EPHB1: variants seen among roughly 807,000 people sequenced by gnomAD.
EPHB1 encodes ephrin type-B receptor 1.
EPHB1 carries 30 observed loss-of-function variants against 94.4 expected under a neutral mutation model. The observed-to-expected ratio is 0.32, with a 90% CI of 0.24 to 0.43. The LOEUF (loss-of-function observed/expected upper bound fraction) is 0.43. Among genes scored for constraint, EPHB1 ranks in the 20% least tolerant of loss-of-function variants. The probability of loss-of-function intolerance (pLI) is 1.00; values close to 1 mark genes in which losing one functional copy is unlikely to be tolerated. For missense variants in EPHB1, 1,055 were observed against 1,308.3 expected, an observed-to-expected ratio of 0.81 and a Z score of 2.99; for synonymous variants, 522 against 489.1, an observed-to-expected ratio of 1.07 and a Z score of -0.89.
rs569721576 is a variant in EPHB1 at position 134,937,046 on chromosome 3, T to A, written c.123+11166T>A. On this transcript the variant is annotated intron_variant, in intron 2 of 15. Coordinates refer to ENST00000398015, the MANE Select transcript of EPHB1 (RefSeq NM_004441.5). ...TGCATTGCTGGCCTGAGCATAGCTGTCATAAGAGGCTTAATGTGGGAGCTG... is the reference window on the plus strand; with the variant it reads ...TGCATTGCTGGCCTGAGCATAGCTGACATAAGAGGCTTAATGTGGGAGCTG... Among the ~76,000 whole-genome samples the A allele has an allele frequency of 3.3e-5, 5 of 152,314 alleles. No individual in the cohort carries two copies. The South Asian group carries it at 1.0e-3, about 32-fold the overall frequency.
At chr3:135,184,831 A>G (rs1234067018) in intron 10 of EPHB1, among the ~76,000 whole-genome samples, 2 of 152,232 alleles carry the variant, frequency 1.3e-5, no homozygotes, top group Non-Finnish European at 2.9e-5. Context: ...GTACCAGTTT[A>G]TTGTTACCAT....
intron 4 of EPHB1, among the ~76,000 whole-genome samples, chr3:135,107,475 A>G (rs1939265445): frequency 6.6e-6 from 1 of 152,196 alleles, no homozygotes; most frequent in Admixed American, 6.5e-5. Context: ...TCTTTTAAGT[A>G]TCCCATTGTA....
In EPHB1 at chr3:135,241,215, G is replaced by A; in HGVS notation, c.2414G>A (p.Ser805Asn). 1 of 1,614,214 alleles carries A rather than the reference G, an allele frequency of 6.2e-7. No homozygotes were observed. The highest frequency in any genetic ancestry group is 8.5e-7 in the Non-Finnish European group (1 of 1,180,042). ...GCCTACCGCAAGTTCACTTCAGCCA[G>A]CGACGTTTGGAGCTATGGGATCGTC... ...AIAYRKFTSA[S>N]DVWSYGIVMW... Residue 805 changes from serine to asparagine, a missense_variant, in exon 13 of 16, where the codon AGC becomes AAC. Physicochemically the swap from Ser to Asn is conservative, Grantham distance 46 (BLOSUM62 1). Transcript: ENST00000398015.
At chr3:135,115,988 G>A (rs2107803701) in intron 4 of EPHB1, among the ~76,000 whole-genome samples, 1 of 152,270 alleles carries the variant, frequency 6.6e-6, no homozygotes, top group East Asian at 1.9e-4. Context: ...GGCCGAGGCG[G>A]GTGGATCACG....
chr3:134,828,113 C>T (rs2036518687), intron 1 of EPHB1, among the ~76,000 whole-genome samples: 1 of 152,194 alleles, frequency 6.6e-6, no homozygotes, highest in Non-Finnish European at 1.5e-5. Context: ...GGACTCCTGC[C>T]TTCTCTTTTG....
intron 3 of EPHB1, among the ~76,000 whole-genome samples, chr3:135,038,943 T>G (rs1301650399): frequency 5.9e-5 from 9 of 152,164 alleles, no homozygotes; most frequent in Non-Finnish European, 1.3e-4. Context: ...TGGCCTGTTT[T>G]GTCACGGCGC....
chr3:135,247,175 G>GA (rs1197529929), intron 13 of EPHB1, among the ~76,000 whole-genome samples: 3 of 152,260 alleles, frequency 2.0e-5, no homozygotes, highest in Non-Finnish European at 4.4e-5. Context: ...AGAAACACAT[G>GA]AAAAATATTC....
intron 1 of EPHB1, among the ~76,000 whole-genome samples, chr3:134,810,598 T>G (rs1379230974): frequency 6.6e-6 from 1 of 152,214 alleles, no homozygotes; most frequent in Non-Finnish European, 1.5e-5. Context: ...TGTATCAGCG[T>G]ACAAAGCAAG....
intron 1 of EPHB1, among the ~76,000 whole-genome samples, chr3:134,798,778 C>G (rs2035879877): frequency 1.3e-5 from 2 of 152,216 alleles, no homozygotes; most frequent in South Asian, 4.1e-4. Flanking sequence ...ATTCTCTGAG[C>G]TGCGTCTTGT....
At chr3:134,949,401 T>A (rs919717870) in intron 2 of EPHB1, among the ~76,000 whole-genome samples, 1 of 146,048 alleles carries the variant, frequency 6.8e-6, no homozygotes, top group Non-Finnish European at 1.5e-5. Context: ...CAGCTCTCAA[T>A]GTGCCCATTT....
intron 3 of EPHB1, among the ~76,000 whole-genome samples, chr3:135,073,202 A>G (rs957795833): frequency 3.3e-5 from 5 of 152,176 alleles, no homozygotes; most frequent in African/African-American, 1.2e-4. Flanking sequence ...AATAAACAAC[A>G]TAGGCCCTGC....
chr3:135,123,254 C>A (rs1421595462), intron 4 of EPHB1, among the ~76,000 whole-genome samples: 1 of 152,150 alleles, frequency 6.6e-6, no homozygotes, highest in Non-Finnish European at 1.5e-5. Flanking sequence ...GACAATAGTT[C>A]CTACTTCAAA....
intron 1 of EPHB1, among the ~76,000 whole-genome samples, chr3:134,865,367 G>A (rs1560271845): frequency 6.6e-6 from 1 of 152,096 alleles, no homozygotes; most frequent in Non-Finnish European, 1.5e-5. Context: ...TGATCTGGGG[G>A]CTCTCATACA....
chr3:134,974,217 C>T (rs1313547396), intron 3 of EPHB1, among the ~76,000 whole-genome samples: 1 of 152,110 alleles, frequency 6.6e-6, no homozygotes, highest in East Asian at 1.9e-4. Context: ...CACGCGTGCG[C>T]ACACATACAT....
intron 3 of EPHB1, among the ~76,000 whole-genome samples, chr3:135,073,535 C>G (rs914342734): frequency 6.6e-6 from 1 of 152,142 alleles, no homozygotes; most frequent in African/African-American, 2.4e-5. Context: ...GAGCATATCT[C>G]TAAGAGATAA....
intron 3 of EPHB1, among the ~76,000 whole-genome samples, chr3:135,024,831 T>C (rs1936092756): frequency 6.6e-6 from 1 of 152,202 alleles, no homozygotes; most frequent in Non-Finnish European, 1.5e-5. Flanking sequence ...GCTTTATTGA[T>C]GTCAATTTAG....
At chr3:134,948,318 T>C (rs935261523) in intron 2 of EPHB1, among the ~76,000 whole-genome samples, 4 of 135,530 alleles carry the variant, frequency 3.0e-5, no homozygotes, top group African/African-American at 1.2e-4. Flanking sequence ...GTTTCAACAA[T>C]AGCAGAACAG....
intron 4 of EPHB1, among the ~76,000 whole-genome samples, chr3:135,129,993 A>C (rs1273514260): frequency 6.6e-6 from 1 of 152,192 alleles, no homozygotes; most frequent in African/African-American, 2.4e-5. Context: ...CTTGAATGAC[A>C]TGGAAAGGAG....
chr3:135,021,571 CT>C (rs1935989818), intron 3 of EPHB1, among the ~76,000 whole-genome samples: 1 of 151,330 alleles, frequency 6.6e-6, no homozygotes, highest in Non-Finnish European at 1.5e-5. Flanking sequence ...TGGTTGTTTC[CT>C]TTGCAATTTC....
Sources: allele counts gnomAD v4.1 joint callset (sites outside exome capture counted in the v4.1 genomes callset), GRCh38; gene constraint gnomAD v4.1.1; transcripts MANE v1.5; gene names NCBI Gene and HGNC (gene_info 2026-07-23, HGNC 2026-07-21).